The following STAP1 variants were observed in gnomAD, a reference collection of about 807,000 sequenced individuals.
STAP1 encodes the protein signal transducing adaptor family member 1, also known as signal-transducing adaptor protein 1.
A neutral mutation model predicts 37.8 loss-of-function variants in STAP1; 30 were observed. The ratio of observed to expected loss-of-function variants is 0.79; its 90% CI spans 0.59 to 1.08. STAP1 has a LOEUF of 1.08. Ranked by LOEUF, STAP1 falls within the 50% of genes least tolerant of loss-of-function variation. The probability of loss-of-function intolerance (pLI) is 0.00; values close to 1 mark genes in which losing one functional copy is unlikely to be tolerated. For synonymous variants in STAP1, 130 were observed against 116.0 expected, an observed-to-expected ratio of 1.12 and a Z score of -0.78; for missense variants, 357 against 349.4, an observed-to-expected ratio of 1.02 and a Z score of -0.17.
chr4:67,580,526 C>T (rs1727828747), intron 4 of STAP1, among the ~76,000 whole-genome samples: 1 of 152,176 alleles, frequency 6.6e-6, no homozygotes, highest in South Asian at 2.1e-4. Context: ...GGAAAGCATG[C>T]ACTCTTCTCT....
At chr4:67,576,164 C>G (rs1011260915) in intron 3 of STAP1, among the ~76,000 whole-genome samples, 1 of 152,106 alleles carries the variant, frequency 6.6e-6, no homozygotes, top group Non-Finnish European at 1.5e-5. Context: ...AGATGAAACC[C>G]CCTCACCAAG....
chr4:67,598,248 C>T (rs114526464), intron 8 of STAP1, among the ~76,000 whole-genome samples: 390 of 152,222 alleles, frequency 2.6e-3, no homozygotes, highest in African/African-American at 9.1e-3. Flanking sequence ...CATAGGAGTG[C>T]AAATATCTCT....
intron 1 of STAP1, among the ~76,000 whole-genome samples, chr4:67,566,385 G>A (rs1560455856): frequency 6.6e-6 from 1 of 152,132 alleles, no homozygotes; most frequent in Non-Finnish European, 1.5e-5. Flanking sequence ...TTATCAATGT[G>A]CAGTTTAGAT....
In STAP1 at chr4:67,583,543, ACAATTCTGTTTT is replaced by A; in HGVS notation, c.531-30_531-19del. ...GTAATGATCTTCATCAGTTAAAAAAACAATTCTGTTTTTTTATCTCACCTCTGTAGATGTTTT... is the reference window on the plus strand; with the variant it reads ...GTAATGATCTTCATCAGTTAAAAAAATTTATCTCACCTCTGTAGATGTTTT... On this transcript the variant is annotated intron_variant, in intron 5 of 8. Transcript: ENST00000265404. The A allele has an allele frequency of 6.4e-7, 1 of 1,567,106 alleles. No homozygotes were observed. Among genetic ancestry groups the A allele is most frequent in the South Asian group, 1.2e-5 (1 of 84,160 alleles).
Position 67,593,481 on chromosome 4 carries a change from C to T in STAP1, c.826+125C>T, listed in dbSNP as rs191550908. On this transcript the variant is annotated intron_variant, in intron 8 of 8. Coordinates refer to ENST00000265404, the MANE Select transcript of STAP1 (RefSeq NM_012108.4). ...ACTGTAGTTCAGTCTTTAAATTTAT[C>T]CATTTGGAAATCATTTTGTCACTCA... 110 of 661,280 alleles carry T rather than the reference C, an allele frequency of 1.7e-4. No homozygotes were observed. In the African/African-American group the frequency reaches 1.8e-3, roughly 11 times the overall value. The allele number at this position is 661,280 out of a possible 1,614,324, so 41.0% of individuals were successfully genotyped here. A position where few individuals can be genotyped will look rare whatever the true frequency, so the allele number is the denominator to read the frequency against.
At chr4:67,599,412 G>T in intron 8 of STAP1, among the ~76,000 whole-genome samples, 1 of 151,612 alleles carries the variant, frequency 6.6e-6, no homozygotes, top group Non-Finnish European at 1.5e-5. Flanking sequence ...TTCAGGTTTT[G>T]GATTTTTCAT....
At chr4:67,560,837 C>T (rs944513995) in intron 1 of STAP1, among the ~76,000 whole-genome samples, 2 of 152,104 alleles carry the variant, frequency 1.3e-5, no homozygotes, top group Non-Finnish European at 2.9e-5. Context: ...TTTATAGAGA[C>T]AGGGTTTCAT....
At chr4:67,582,982 A>G (rs554995009) in intron 5 of STAP1, among the ~76,000 whole-genome samples, 188 of 152,344 alleles carry the variant, frequency 1.2e-3, no homozygotes, top group Non-Finnish European at 2.2e-3. Context: ...AGCTTACGAT[A>G]TTTTCAACTT....
Position 67,593,266 on chromosome 4 carries a change from C to A in STAP1, c.736C>A (p.Leu246Ile), listed in dbSNP as rs1728158912. The stretch of plus-strand genomic sequence containing the variant: ...TCACTCTCTATTAATACAGGTAACA[C>A]TCCCAAACCTTTTCAGTGTCATTGA... ...YTIELEKPVT[L>I]PNLFSVIDYF... The change falls in exon 8 of 9, where the codon CTC (leucine) becomes ATC (isoleucine). Residue 246 changes from leucine (L) to isoleucine (I), a missense_variant. Leu to Ile is a conservative substitution (Grantham distance 5). Transcript: ENST00000265404. 1.2e-6 allele frequency: 2 copies of A among 1,611,912 alleles called. No individual in the cohort carries two copies. The highest frequency in any genetic ancestry group is 1.3e-5 in the African/African-American group (1 of 74,854).
intron 1 of STAP1, among the ~76,000 whole-genome samples, chr4:67,565,833 T>C (rs1426909641): frequency 6.6e-6 from 1 of 150,568 alleles, no homozygotes; most frequent in Admixed American, 6.6e-5. Context: ...CACAAACTTA[T>C]ACAACCATCA....
chr4:67,597,616 G>GA (rs1014484785), intron 8 of STAP1, among the ~76,000 whole-genome samples: 17 of 152,346 alleles, frequency 1.1e-4, no homozygotes, highest in African/African-American at 4.1e-4. Context: ...CACAGGGGTG[G>GA]AGCTGTTCAT....
chr4:67,572,595 T>C (rs147356317), intron 2 of STAP1, among the ~76,000 whole-genome samples: 66 of 152,176 alleles, frequency 4.3e-4, no homozygotes, highest in African/African-American at 1.5e-3. Context: ...GGTGAAGGAA[T>C]AAAAGTGAAT....
At chr4:67,559,806 G>A (rs1727292975) in intron 1 of STAP1, among the ~76,000 whole-genome samples, 1 of 151,860 alleles carries the variant, frequency 6.6e-6, no homozygotes, top group African/African-American at 2.4e-5. Flanking sequence ...TATTTTCTGA[G>A]GATTTATGAA....
chr4:67,574,651 A>G (rs1242650568), intron 2 of STAP1, among the ~76,000 whole-genome samples: 1 of 152,202 alleles, frequency 6.6e-6, no homozygotes, highest in African/African-American at 2.4e-5. Flanking sequence ...AATCTGGATG[A>G]TGGGCCAAAT....
intron 6 of STAP1, among the ~76,000 whole-genome samples, chr4:67,586,266 G>A (rs1277901445): frequency 6.6e-6 from 1 of 152,146 alleles, no homozygotes; most frequent in Non-Finnish European, 1.5e-5. Context: ...AGACCAGCCT[G>A]ACCAACATGG....
At position 67,581,198 on chromosome 4, in the gene STAP1, T is replaced by A. The variant is rs1727846733; in HGVS notation, c.364-107T>A. The A allele has an allele frequency of 3.7e-6, 4 of 1,078,072 alleles. No individual in the cohort carries two copies. In the South Asian group the frequency reaches 7.2e-5, roughly 19 times the overall value. 66.8% of individuals were successfully genotyped at this position (1,078,072 alleles called of 1,614,324 possible). A position where few individuals can be genotyped will look rare whatever the true frequency, so the allele number is the denominator to read the frequency against. ...TTCCCTTAGTCCCTACTCATTCACC[T>A]CTGTCAGGTAACTGTAGCCCTATAG... On this transcript the variant is annotated intron_variant, in intron 4 of 8. Coordinates refer to ENST00000265404, the MANE Select transcript of STAP1 (RefSeq NM_012108.4).
chr4:67,592,464 T>C (rs946089369), intron 7 of STAP1, among the ~76,000 whole-genome samples: 1 of 152,210 alleles, frequency 6.6e-6, no homozygotes, highest in African/African-American at 2.4e-5. Flanking sequence ...AAAGGTTATT[T>C]GCTTTAAAGC....
intron 6 of STAP1, among the ~76,000 whole-genome samples, chr4:67,588,038 T>A: frequency 1.9e-5 from 1 of 53,212 alleles, no homozygotes; most frequent in African/African-American, 6.5e-5. Context: ...ACACATTTTC[T>A]TAAAAAAAAA....
chr4:67,574,740 CAAA>C (rs1727681007), intron 2 of STAP1, among the ~76,000 whole-genome samples: 4 of 152,010 alleles, frequency 2.6e-5, no homozygotes, highest in Admixed American at 2.6e-4. Flanking sequence ...AAGAAAAAAA[CAAA>C]AACGAAGAAT....
Sources: gnomAD v4.1 joint callset for allele counts (sites outside exome capture counted in the v4.1 genomes callset) on GRCh38, gnomAD v4.1.1 for gene constraint, MANE v1.5 for transcripts, NCBI Gene and HGNC (gene_info 2026-07-23, HGNC 2026-07-21) for gene names.